The following RHPN2 variants were observed in gnomAD, a reference collection of about 807,000 sequenced individuals.
RHPN2 encodes the protein rhophilin-2.
Under a neutral mutation model 79.0 loss-of-function variants are expected in RHPN2, and 40 were observed. The ratio of observed to expected loss-of-function variants is 0.51; its 90% CI spans 0.39 to 0.66. The LOEUF is 0.66. Ranked by LOEUF, RHPN2 falls within the 30% of genes least tolerant of loss-of-function variation. The pLI is 0.00. For synonymous variants in RHPN2, 285 were observed against 363.5 expected (o/e 0.78, Z 2.46); for missense variants, 686 against 883.5 (o/e 0.78, Z 2.83).
Position 32,997,292 on chromosome 19 carries a change from T to C in RHPN2, c.1226-1072A>G, listed in dbSNP as rs182625031. 5.9e-5 allele frequency among the ~76,000 whole-genome samples: 9 copies of C among 152,262 alleles called. No individual in the cohort carries two copies. In the East Asian group the frequency reaches 9.6e-4, roughly 16 times the overall value. ...TACCAAATGTGCTGGGCACTAGAGA[T>C]AAAGCAACGAGTAAACAAACTGCCC... On this transcript the variant is annotated intron_variant, in intron 10 of 14. Transcript: ENST00000254260.
At chr19:33,019,928 T>G (rs1373431765) in intron 4 of RHPN2, among the ~76,000 whole-genome samples, 1 of 151,746 alleles carries the variant, frequency 6.6e-6, no homozygotes, top group Non-Finnish European at 1.5e-5. Context: ...AATTTGGAGG[T>G]GACTGGTTAA....
chr19:33,025,104 T>A (rs1971955171), intron 3 of RHPN2, among the ~76,000 whole-genome samples: 1 of 152,010 alleles, frequency 6.6e-6, no homozygotes, highest in South Asian at 2.1e-4. Flanking sequence ...TGAGGGATGG[T>A]GTTGTTGGCT....
chr19:33,015,640 TAC>T (rs1374573949), intron 4 of RHPN2, among the ~76,000 whole-genome samples: 1 of 152,172 alleles, frequency 6.6e-6, no homozygotes, highest in Non-Finnish European at 1.5e-5. Flanking sequence ...ACTGAAACAT[TAC>T]TAAATTAATA....
chr19:33,017,732 G>A (rs1971889805), intron 4 of RHPN2, among the ~76,000 whole-genome samples: 1 of 147,548 alleles, frequency 6.8e-6, no homozygotes, highest in Admixed American at 6.8e-5. Flanking sequence ...AAAAGAGAGA[G>A]AGAGATGACT....
At chr19:33,047,852 C>T (rs184320809) in intron 1 of RHPN2, among the ~76,000 whole-genome samples, 7 of 152,106 alleles carry the variant, frequency 4.6e-5, no homozygotes, top group Admixed American at 3.9e-4. Flanking sequence ...TTTGAGGCTG[C>T]GGTGAGCTAC....
At position 33,011,413 on chromosome 19, in the gene RHPN2, C is replaced by T. The variant is rs114016600; in HGVS notation, c.593+266G>A. On this transcript the variant is annotated intron_variant, in intron 6 of 14. Transcript: ENST00000254260. ...CCCCCGTGCTTCCCCAGTGATACAACGAGCAAGAAAAATGTCTCTTCTCCT... is the reference window on the plus strand; with the variant it reads ...CCCCCGTGCTTCCCCAGTGATACAATGAGCAAGAAAAATGTCTCTTCTCCT... Among the ~76,000 whole-genome samples, 838 of 152,286 alleles carry T rather than the reference C, an allele frequency of 5.5e-3. 3 individuals are homozygous for T. Among genetic ancestry groups the T allele is most frequent in the African/African-American group, 7.0e-3 (293 of 41,572 alleles).
At position 33,002,308 on chromosome 19, in the gene RHPN2, C is replaced by A. The variant is rs1475207788; in HGVS notation, c.1044G>T (p.Lys348Asn). ...PYSWASLACVKAHHYAALAHY... is the reference protein window; with the variant it reads ...PYSWASLACVNAHHYAALAHY... ...GGGCCAGGGCCGCGTAGTGGTGGGCCTTCACGCAGGCTAAGCTGGCCCAGG... is the reference window on the plus strand; with the variant it reads ...GGGCCAGGGCCGCGTAGTGGTGGGCATTCACGCAGGCTAAGCTGGCCCAGG... The change falls in exon 9 of 15, where the codon AAG becomes AAT. Residue 348 changes from lysine to asparagine, a missense_variant. Coordinates refer to ENST00000254260, the MANE Select transcript of RHPN2 (RefSeq NM_033103.5). 6.2e-7 allele frequency: 1 copy of A among 1,613,776 alleles called. No homozygotes were observed. The highest frequency in any genetic ancestry group is 1.3e-5 in the African/African-American group (1 of 74,938).
rs201854259 is a variant in RHPN2, at chr19:33,054,500, C to G, written c.70-10136G>C. 1.1e-4 allele frequency among the ~76,000 whole-genome samples: 17 copies of G among 152,230 alleles called. No individual in the cohort carries two copies. The East Asian group carries it at 3.3e-3, about 29-fold the overall frequency. ...CAGGTGTGAGCCACTGTGCTGGTCCCCTTTTCTCTTGTTACAATCAAATGG... is the reference window on the plus strand; with the variant it reads ...CAGGTGTGAGCCACTGTGCTGGTCCGCTTTTCTCTTGTTACAATCAAATGG... On this transcript the variant is annotated intron_variant, in intron 1 of 14. Coordinates refer to ENST00000254260, the MANE Select transcript of RHPN2 (RefSeq NM_033103.5).
At chr19:33,012,067 T>G in intron 5 of RHPN2, among the ~76,000 whole-genome samples, 1 of 137,772 alleles carries the variant, frequency 7.3e-6, no homozygotes, top group Non-Finnish European at 1.5e-5. Flanking sequence ...TGAGACAGAG[T>G]CTTGCTGTCA....
chr19:33,039,692 G>A (rs1388347805), intron 2 of RHPN2, among the ~76,000 whole-genome samples: 2 of 151,968 alleles, frequency 1.3e-5, no homozygotes, highest in Non-Finnish European at 2.9e-5. Flanking sequence ...ACAAAAATTA[G>A]CCGGGTATGA....
chr19:33,047,465 G>A (rs1039241954), intron 1 of RHPN2, among the ~76,000 whole-genome samples: 18 of 152,290 alleles, frequency 1.2e-4, no homozygotes, highest in East Asian at 1.9e-4. Flanking sequence ...ACCCCAGACA[G>A]GTAGAAGCCT....
intron 1 of RHPN2, among the ~76,000 whole-genome samples, chr19:33,053,716 T>C (rs943464444): frequency 1.3e-5 from 2 of 151,854 alleles, no homozygotes; most frequent in African/African-American, 4.8e-5. Context: ...CCACTGTACC[T>C]GGACACCCAG....
chr19:32,985,688 G>C (rs1364974624), intron 14 of RHPN2, among the ~76,000 whole-genome samples: 1 of 152,170 alleles, frequency 6.6e-6, no homozygotes, highest in Non-Finnish European at 1.5e-5. Context: ...CTGGAGTACA[G>C]TGGCTCGATC....
chr19:33,012,586 T>C (rs1481597028), intron 5 of RHPN2, 61 bp downstream of exon 5: 1 of 1,024,616 alleles, frequency 9.8e-7, no homozygotes, highest in Admixed American at 1.7e-5. Flanking sequence ...CGTGCAATAA[T>C]GGGGTTCCCT....
intron 14 of RHPN2, among the ~76,000 whole-genome samples, chr19:32,985,658 G>T (rs1971608487): frequency 6.6e-6 from 1 of 152,110 alleles, no homozygotes; most frequent in Admixed American, 6.6e-5. Context: ...TCTAGACAGG[G>T]TCTCACTCTG....
chr19:32,989,137 TCTCA>T (rs1292975108), intron 14 of RHPN2, among the ~76,000 whole-genome samples: 1 of 152,020 alleles, frequency 6.6e-6, no homozygotes, highest in African/African-American at 2.4e-5. Context: ...GCAGACAGAG[TCTCA>T]CTCTGTTGCC....
intron 14 of RHPN2, among the ~76,000 whole-genome samples, chr19:32,985,677 G>A (rs1971608654): frequency 6.6e-6 from 1 of 152,190 alleles, no homozygotes; most frequent in Admixed American, 6.5e-5. Context: ...TGTCACGCAG[G>A]CTGGAGTACA....
At chr19:33,064,541 G>A (rs1972310389) in intron 1 of RHPN2, among the ~76,000 whole-genome samples, 1 of 151,360 alleles carries the variant, frequency 6.6e-6, no homozygotes, top group Non-Finnish European at 1.5e-5. Context: ...CCTGCGCGGA[G>A]CGGCCACATG....
chr19:33,042,912 C>T (rs906374293), intron 2 of RHPN2, among the ~76,000 whole-genome samples: 2 of 152,020 alleles, frequency 1.3e-5, no homozygotes, highest in Non-Finnish European at 2.9e-5. Context: ...AACCTCGTCT[C>T]TACTAAAAAT....
Sources: gnomAD v4.1 joint callset for allele counts (sites outside exome capture counted in the v4.1 genomes callset) on GRCh38, gnomAD v4.1.1 for gene constraint, MANE v1.5 for transcripts, NCBI Gene and HGNC (gene_info 2026-07-23, HGNC 2026-07-21) for gene names.